The following NDUFAF2 variants were observed in gnomAD, a reference collection of about 807,000 sequenced individuals.
The protein encoded by NDUFAF2 is NADH:ubiquinone oxidoreductase complex assembly factor 2, also known as NADH dehydrogenase [ubiquinone] 1 alpha subcomplex assembly factor 2.
A neutral mutation model predicts 22.8 loss-of-function variants in NDUFAF2; 13 were observed. The ratio of observed to expected loss-of-function variants is 0.57; its 90% confidence interval spans 0.37 to 0.91. The LOEUF is 0.91. Ranked by LOEUF, NDUFAF2 falls within the 40% of genes least tolerant of loss-of-function variation. The pLI, the probability that NDUFAF2 is intolerant of heterozygous loss-of-function variation, is 0.01. For missense variants in NDUFAF2, 162 were observed against 195.2 expected (o/e 0.83, Z 1.01); for synonymous variants, 53 against 64.2 (o/e 0.83, Z 0.84).
chr5:61,138,791 G>C (rs1741005877), intron 3 of NDUFAF2, among the ~76,000 whole-genome samples: 1 of 152,182 alleles, frequency 6.6e-6, no homozygotes, highest in South Asian at 2.1e-4. Flanking sequence ...AGAGTAATAA[G>C]TAGTAGAAGG....
intron 3 of NDUFAF2, among the ~76,000 whole-genome samples, chr5:61,142,902 G>A (rs964482533): frequency 2.6e-5 from 4 of 151,768 alleles, no homozygotes; most frequent in African/African-American, 4.8e-5. Context: ...TCTTTCTTTC[G>A]TAGATGAAAA....
At chr5:61,101,460 C>G (rs1752704832) in intron 3 of NDUFAF2, among the ~76,000 whole-genome samples, 1 of 152,058 alleles carries the variant, frequency 6.6e-6, no homozygotes, top group East Asian at 1.9e-4. Context: ...ATTTCTTTTA[C>G]TTCCTTAGAA....
intron 2 of NDUFAF2, among the ~76,000 whole-genome samples, chr5:61,091,096 A>G (rs1752562382): frequency 6.6e-6 from 1 of 152,160 alleles, no homozygotes; most frequent in Non-Finnish European, 1.5e-5. Flanking sequence ...GCTGATGAAC[A>G]TTCAGGTTGA....
At chr5:61,121,630 G>T (rs74985265) in intron 3 of NDUFAF2, among the ~76,000 whole-genome samples, 12,363 of 151,986 alleles carry the variant, frequency 0.081, 545 homozygotes, top group Middle Eastern at 0.089. Flanking sequence ...TGAAATACTA[G>T]CCTAGATTTT....
chr5:61,003,816 C>CCTGG (rs1338141609), intron 1 of NDUFAF2, among the ~76,000 whole-genome samples: 5 of 151,640 alleles, frequency 3.3e-5, no homozygotes, highest in African/African-American at 9.7e-5. Flanking sequence ...TGCCACCATG[C>CCTGG]CTGGCTATTT....
At chr5:61,097,189 C>G (rs763916296) in intron 2 of NDUFAF2, among the ~76,000 whole-genome samples, 16 of 150,574 alleles carry the variant, frequency 1.1e-4, no homozygotes, top group South Asian at 8.5e-4. Flanking sequence ...GAAGACAAGT[C>G]CTGGTGCTAT....
chr5:60,987,183 T>C (rs1751093480), intron 1 of NDUFAF2, among the ~76,000 whole-genome samples: 1 of 152,002 alleles, frequency 6.6e-6, no homozygotes, highest in East Asian at 1.9e-4. Context: ...CCAGAAGAAA[T>C]GGCTAAATTC....
chr5:61,113,401 G>C (rs1350550749), intron 3 of NDUFAF2, among the ~76,000 whole-genome samples: 1 of 152,058 alleles, frequency 6.6e-6, no homozygotes, highest in East Asian at 1.9e-4. Flanking sequence ...CTTCATGTTT[G>C]AAAGCTATTT....
chr5:61,118,596 G>T (rs1413767710), intron 3 of NDUFAF2, among the ~76,000 whole-genome samples: 1 of 152,134 alleles, frequency 6.6e-6, no homozygotes, highest in Non-Finnish European at 1.5e-5. Context: ...TATTCTCTGT[G>T]TATTGAATAA....
rs373302097 is a variant in NDUFAF2 at position 61,043,679 on chromosome 5, ATGTG to A, written c.128-29426_128-29423del. Among the ~76,000 whole-genome samples the A allele has an allele frequency of 2.6e-3, 393 of 149,288 alleles. 1 individual carries two copies. Among genetic ancestry groups the A allele is most frequent in the African/African-American group, 8.0e-3 (327 of 40,644 alleles). On this transcript the variant is annotated intron_variant, in intron 1 of 3. Transcript: ENST00000296597. The stretch of plus-strand genomic sequence containing the variant: ...TGCCATCTTTTTGAAAGCTGTATAT[ATGTG>A]TGTGTGTGTGTGTGTGTGTATGTGT...
intron 1 of NDUFAF2, among the ~76,000 whole-genome samples, chr5:60,997,649 A>G (rs1751245111): frequency 6.6e-6 from 1 of 152,238 alleles, no homozygotes; most frequent in African/African-American, 2.4e-5. Flanking sequence ...CATAACTAAT[A>G]AAATTATATT....
intron 1 of NDUFAF2, among the ~76,000 whole-genome samples, chr5:60,961,129 T>C (rs1236178213): frequency 6.6e-6 from 1 of 152,144 alleles, no homozygotes; most frequent in Non-Finnish European, 1.5e-5. Context: ...TTGCTCTTTA[T>C]GTTGAAAAAT....
rs1751742569 is a variant in NDUFAF2, at chr5:61,032,584, A to G, written c.128-40541A>G. Among the ~76,000 whole-genome samples the G allele has an allele frequency of 2.0e-5, 3 of 152,182 alleles. 1 individual carries two copies. Among genetic ancestry groups the G allele is most frequent in the Admixed American group, 2.0e-4 (3 of 15,292 alleles). On this transcript the variant is annotated intron_variant, in intron 1 of 3. Coordinates refer to ENST00000296597, the MANE Select transcript of NDUFAF2 (RefSeq NM_174889.5). Reference sequence around the variant, plus strand: ...CCTCTGTTCTGTTCCATTGGTCTATATATCTGTTTTGGTACCAGTACCATG... The same window carrying G: ...CCTCTGTTCTGTTCCATTGGTCTATGTATCTGTTTTGGTACCAGTACCATG...
intron 1 of NDUFAF2, among the ~76,000 whole-genome samples, chr5:60,956,414 T>G (rs1408556519): frequency 6.6e-6 from 1 of 152,172 alleles, no homozygotes; most frequent in African/African-American, 2.4e-5. Flanking sequence ...GTAGGCATCC[T>G]TGTCTCATTC....
At chr5:61,133,585 A>G (rs1480630685) in intron 3 of NDUFAF2, among the ~76,000 whole-genome samples, 1 of 152,230 alleles carries the variant, frequency 6.6e-6, no homozygotes, top group African/African-American at 2.4e-5. Context: ...AATTTAAAAA[A>G]AGGACTTCCT....
At chr5:61,092,528 G>A (rs1580130121) in intron 2 of NDUFAF2, among the ~76,000 whole-genome samples, 2 of 152,054 alleles carry the variant, frequency 1.3e-5, no homozygotes, top group African/African-American at 4.8e-5. Flanking sequence ...TTGGTGTATA[G>A]GAGTGCTAGC....
At chr5:61,006,811 T>C (rs1450925889) in intron 1 of NDUFAF2, among the ~76,000 whole-genome samples, 1 of 152,150 alleles carries the variant, frequency 6.6e-6, no homozygotes, top group Non-Finnish European at 1.5e-5. Context: ...AATATTGTAA[T>C]GAAAACTTGA....
intron 1 of NDUFAF2, among the ~76,000 whole-genome samples, chr5:61,068,878 G>GT (rs1370431719): frequency 6.6e-6 from 1 of 152,128 alleles, no homozygotes; most frequent in Non-Finnish European, 1.5e-5. Flanking sequence ...ACATATCTTA[G>GT]TGGTTAAGTG....
intron 1 of NDUFAF2, among the ~76,000 whole-genome samples, chr5:61,065,492 A>G (rs971763565): frequency 9.2e-5 from 14 of 152,116 alleles, no homozygotes; most frequent in Non-Finnish European, 1.9e-4. Context: ...AAAGGTGTAT[A>G]CACCAGGACC....
Sources: gnomAD v4.1 joint callset for allele counts (sites outside exome capture counted in the v4.1 genomes callset) on GRCh38, gnomAD v4.1.1 for gene constraint, MANE v1.5 for transcripts, NCBI Gene and HGNC (gene_info 2026-07-23, HGNC 2026-07-21) for gene names.